The following LRFN2 variants were observed in gnomAD, a reference collection of about 807,000 sequenced individuals.
LRFN2 encodes leucine rich repeat and fibronectin type III domain containing 2.
LRFN2 carries 18 observed loss-of-function variants against 37.3 expected under a neutral mutation model. That is an observed-to-expected ratio of 0.48 (90% CI 0.33 to 0.72). The LOEUF is 0.72. Ranked by LOEUF, LRFN2 falls within the 30% of genes least tolerant of loss-of-function variation. The probability of loss-of-function intolerance (pLI) is 0.02; values close to 1 mark genes in which losing one functional copy is unlikely to be tolerated. For synonymous variants in LRFN2, 556 were observed against 466.6 expected (o/e 1.19, Z -2.47); for missense variants, 1,006 against 1,060.7 (o/e 0.95, Z 0.72).
chr6:40,504,780 T>C (rs1765486869), intron 1 of LRFN2, among the ~76,000 whole-genome samples: 1 of 152,162 alleles, frequency 6.6e-6, no homozygotes, highest in African/African-American at 2.4e-5. Flanking sequence ...AGCTCTTTCG[T>C]ATACAGAATC....
chr6:40,540,870 AC>A (rs1477297879), intron 1 of LRFN2, among the ~76,000 whole-genome samples: 2 of 152,156 alleles, frequency 1.3e-5, no homozygotes, highest in Non-Finnish European at 2.9e-5. Flanking sequence ...AGACTGGCAA[AC>A]TAAAGCCCTT....
intron 2 of LRFN2, among the ~76,000 whole-genome samples, chr6:40,403,682 G>T (rs1762788538): frequency 6.6e-6 from 1 of 152,188 alleles, no homozygotes; most frequent in African/African-American, 2.4e-5. Context: ...GTTGGCATCA[G>T]CCCCTGTTGA....
chr6:40,584,606 C>T (rs967022512), intron 1 of LRFN2, among the ~76,000 whole-genome samples: 1 of 152,144 alleles, frequency 6.6e-6, no homozygotes, highest in African/African-American at 2.4e-5. Flanking sequence ...CTGTGAACTC[C>T]CTAGATGCTA....
chr6:40,585,451 C>T (rs887760001), intron 1 of LRFN2, among the ~76,000 whole-genome samples: 2 of 152,092 alleles, frequency 1.3e-5, no homozygotes, highest in South Asian at 4.1e-4. Flanking sequence ...GCTTCTGAAT[C>T]CTCCCTACAG....
intron 1 of LRFN2, among the ~76,000 whole-genome samples, chr6:40,571,677 C>T (rs776092553): frequency 1.3e-5 from 2 of 152,204 alleles, no homozygotes; most frequent in African/African-American, 2.4e-5. Context: ...GGGCCAGGTC[C>T]GATGTTGGAG....
chr6:40,542,425 G>A (rs1384201764), intron 1 of LRFN2, among the ~76,000 whole-genome samples: 1 of 152,118 alleles, frequency 6.6e-6, no homozygotes, highest in Non-Finnish European at 1.5e-5. Context: ...GGGAGGTGCT[G>A]CAGTGAAACA....
chr6:40,568,784 C>T (rs779117953), intron 1 of LRFN2, among the ~76,000 whole-genome samples: 136 of 151,462 alleles, frequency 9.0e-4, no homozygotes, highest in Non-Finnish European at 1.6e-3. Context: ...TGCAATGGTG[C>T]GATCTCGGCT....
chr6:40,420,190 G>A (rs1763189604), intron 2 of LRFN2, among the ~76,000 whole-genome samples: 1 of 152,210 alleles, frequency 6.6e-6, no homozygotes, highest in Non-Finnish European at 1.5e-5. Context: ...TTCATCCACA[G>A]TGCTTGGCTG....
intron 1 of LRFN2, among the ~76,000 whole-genome samples, chr6:40,515,248 CAT>C (rs1292678918): frequency 9.9e-5 from 15 of 152,106 alleles, no homozygotes; most frequent in African/African-American, 3.6e-4. Context: ...AGGGGAATGT[CAT>C]ATATGTTGTG....
At chr6:40,485,538 C>T (rs1285071003) in intron 1 of LRFN2, among the ~76,000 whole-genome samples, 1 of 152,214 alleles carries the variant, frequency 6.6e-6, no homozygotes, top group African/African-American at 2.4e-5. Context: ...AATCAGCAGA[C>T]AATGCAGCTA....
chr6:40,450,370 T>A (rs1207180032), intron 1 of LRFN2, among the ~76,000 whole-genome samples: 1 of 151,890 alleles, frequency 6.6e-6, no homozygotes, highest in Non-Finnish European at 1.5e-5. Context: ...GAGAGAGGAG[T>A]GAAGGCAGGT....
At chr6:40,547,203 CA>C (rs1184322786) in intron 1 of LRFN2, among the ~76,000 whole-genome samples, 2 of 150,906 alleles carry the variant, frequency 1.3e-5, no homozygotes, top group African/African-American at 4.9e-5. Context: ...TTCCTGGGTT[CA>C]AGCAATTCTC....
intron 1 of LRFN2, among the ~76,000 whole-genome samples, chr6:40,569,573 T>A (rs531208594): frequency 6.6e-6 from 1 of 152,264 alleles, no homozygotes; most frequent in East Asian, 1.9e-4. Context: ...CCAGGTGTAA[T>A]GCCGCACTGC....
At chr6:40,407,843 A>G (rs1240774516) in intron 2 of LRFN2, 3 of 152,298 alleles carry the variant, frequency 2.0e-5, no homozygotes, top group African/African-American at 7.2e-5. Flanking sequence ...CTCCTTGAAA[A>G]TGCTATCGTA....
intron 1 of LRFN2, among the ~76,000 whole-genome samples, chr6:40,541,342 CA>C (rs1766551714): frequency 6.6e-6 from 1 of 152,172 alleles, no homozygotes. Flanking sequence ...TCAGTCGCCT[CA>C]CATTCCCCAA....
chr6:40,568,282 C>T (rs1369152187), intron 1 of LRFN2, among the ~76,000 whole-genome samples: 3 of 152,220 alleles, frequency 2.0e-5, no homozygotes, highest in Non-Finnish European at 4.4e-5. Context: ...GTGGTGTCTG[C>T]CCTGTGTCGT....
chr6:40,398,115 A>G (rs1762652631), intron 2 of LRFN2, among the ~76,000 whole-genome samples: 1 of 151,848 alleles, frequency 6.6e-6, no homozygotes, highest in Admixed American at 6.6e-5. Flanking sequence ...CAGCCTCACC[A>G]CTGTTGACAC....
At chr6:40,401,489 A>G (rs1332271147) in intron 2 of LRFN2, among the ~76,000 whole-genome samples, 1 of 152,166 alleles carries the variant, frequency 6.6e-6, no homozygotes, top group Non-Finnish European at 1.5e-5. Context: ...TCTCCTGATA[A>G]CCTGGCACAC....
chr6:40,523,394 T>A (rs1766145614), intron 1 of LRFN2, among the ~76,000 whole-genome samples: 1 of 151,964 alleles, frequency 6.6e-6, no homozygotes, highest in Admixed American at 6.6e-5. Context: ...GCCCTAACCA[T>A]GGGCCTCAGC....
Sources: gnomAD v4.1 joint callset for allele counts (sites outside exome capture counted in the v4.1 genomes callset) on GRCh38, gnomAD v4.1.1 for gene constraint, MANE v1.5 for transcripts, NCBI Gene and HGNC (gene_info 2026-07-23, HGNC 2026-07-21) for gene names.